The following PTPRD variants were observed in gnomAD, a reference collection of about 807,000 sequenced individuals.
PTPRD encodes the protein receptor-type tyrosine-protein phosphatase delta.
In PTPRD, 34 loss-of-function variants were observed where a neutral mutation model predicts 214.5. The ratio of observed to expected loss-of-function variants is 0.16; its 90% CI spans 0.12 to 0.21. The LOEUF (loss-of-function observed/expected upper bound fraction) is 0.21, where lower values mean the gene tolerates loss of function less well. Among genes scored for constraint, PTPRD ranks in the 10% least tolerant of loss-of-function variants. PTPRD has a pLI of 1.00. For synonymous variants in PTPRD, 1,128 were observed against 845.7 expected, an observed-to-expected ratio of 1.33 and a Z score of -5.79; for missense variants, 2,545 against 2,398.7, an observed-to-expected ratio of 1.06 and a Z score of -1.27.
At chr9:8,819,027 T>G (rs982937748) in intron 11 of PTPRD, among the ~76,000 whole-genome samples, 3 of 152,164 alleles carry the variant, frequency 2.0e-5, no homozygotes, top group Non-Finnish European at 4.4e-5. Context: ...TATTGCCATG[T>G]CAGAAAAAGG....
chr9:9,891,895 A>C (rs1337900487), intron 5 of PTPRD, among the ~76,000 whole-genome samples: 1 of 152,136 alleles, frequency 6.6e-6, no homozygotes, highest in African/African-American at 2.4e-5. Flanking sequence ...GGATTTAATG[A>C]GCTATAAATT....
chr9:10,076,879 C>A (rs1312792465), intron 3 of PTPRD, among the ~76,000 whole-genome samples: 1 of 152,128 alleles, frequency 6.6e-6, no homozygotes, highest in Non-Finnish European at 1.5e-5. Context: ...AATTTGAAAC[C>A]AAGACCATTG....
chr9:9,524,575 G>C (rs1210370946), intron 8 of PTPRD, among the ~76,000 whole-genome samples: 2 of 152,096 alleles, frequency 1.3e-5, no homozygotes, highest in Non-Finnish European at 2.9e-5. Flanking sequence ...CCTTTTGCCA[G>C]ATTTTCTTTA....
At chr9:9,664,820 T>A in intron 7 of PTPRD, among the ~76,000 whole-genome samples, 1 of 151,638 alleles carries the variant, frequency 6.6e-6, no homozygotes, top group Admixed American at 6.6e-5. Flanking sequence ...AGAAAGCCTC[T>A]ATCCCAGAAA....
chr9:9,490,912 G>T (rs571103535), intron 8 of PTPRD, among the ~76,000 whole-genome samples: 1 of 151,596 alleles, frequency 6.6e-6, no homozygotes, highest in Non-Finnish European at 1.5e-5. Flanking sequence ...ATTGTTTGTT[G>T]AACTAATTAA....
chr9:8,857,719 G>A, intron 11 of PTPRD: 1 of 157,234 alleles, frequency 6.4e-6, no homozygotes, highest in Non-Finnish European at 1.4e-5. Flanking sequence ...TTCGCGCCCC[G>A]CCACGGCCGC....
chr9:10,502,042 A>C (rs578182282), intron 2 of PTPRD, among the ~76,000 whole-genome samples: 25 of 152,030 alleles, frequency 1.6e-4, no homozygotes, highest in African/African-American at 5.1e-4. Flanking sequence ...TAAGAAGAAA[A>C]TCGAGCTTAA....
At chr9:8,348,084 A>G (rs908222522) in intron 39 of PTPRD, among the ~76,000 whole-genome samples, 8 of 152,202 alleles carry the variant, frequency 5.3e-5, no homozygotes, top group South Asian at 2.1e-4. Flanking sequence ...GCACATTTGA[A>G]TAACTAACAG....
intron 35 of PTPRD, among the ~76,000 whole-genome samples, chr9:8,430,037 A>G (rs2132103193): frequency 6.6e-6 from 1 of 152,276 alleles, no homozygotes; most frequent in Middle Eastern, 3.4e-3. Flanking sequence ...AGCTGACAGG[A>G]ACTCAGAAAA....
At chr9:9,272,799 C>T (rs1943467151) in intron 9 of PTPRD, among the ~76,000 whole-genome samples, 1 of 151,386 alleles carries the variant, frequency 6.6e-6, no homozygotes, top group East Asian at 2.0e-4. Flanking sequence ...AAAGCAAGCA[C>T]TATGGCCATG....
intron 8 of PTPRD, among the ~76,000 whole-genome samples, chr9:9,487,185 T>G (rs1038801243): frequency 5.9e-5 from 9 of 152,104 alleles, no homozygotes; most frequent in Non-Finnish European, 1.2e-4. Context: ...GCATTAGGTA[T>G]ATCTCCTAAT....
At chr9:8,745,916 AC>A (rs1323845609) in intron 11 of PTPRD, among the ~76,000 whole-genome samples, 3 of 151,514 alleles carry the variant, frequency 2.0e-5, no homozygotes, top group African/African-American at 4.9e-5. Context: ...TCCCGCCTCT[AC>A]CCCCAGAGTA....
chr9:8,318,164 C>A (rs1823356884), intron 45 of PTPRD, among the ~76,000 whole-genome samples: 1 of 151,914 alleles, frequency 6.6e-6, no homozygotes, highest in African/African-American at 2.4e-5. Context: ...CTAAAACGAT[C>A]TCCCAATTCC....
At chr9:9,317,804 A>T (rs536917261) in intron 9 of PTPRD, among the ~76,000 whole-genome samples, 2 of 152,240 alleles carry the variant, frequency 1.3e-5, no homozygotes, top group South Asian at 4.1e-4. Context: ...GATATTAATA[A>T]TTTTTTTCAT....
At chr9:8,473,535 C>G (rs1284389820) in intron 30 of PTPRD, among the ~76,000 whole-genome samples, 1 of 152,180 alleles carries the variant, frequency 6.6e-6, no homozygotes, top group African/African-American at 2.4e-5. Flanking sequence ...TTCTCAAAGT[C>G]AGAAGAGCGC....
intron 11 of PTPRD, among the ~76,000 whole-genome samples, chr9:8,915,686 C>T (rs1396994401): frequency 2.0e-5 from 3 of 151,932 alleles, no homozygotes; most frequent in African/African-American, 4.8e-5. Flanking sequence ...AACTCAAGTC[C>T]GAAGGCAGAA....
intron 10 of PTPRD, among the ~76,000 whole-genome samples, chr9:9,093,941 A>G (rs573179122): frequency 2.2e-4 from 33 of 149,588 alleles, no homozygotes; most frequent in Admixed American, 6.6e-5. Context: ...AAGTAGAAAG[A>G]AAAAAAAAGG....
intron 12 of PTPRD, among the ~76,000 whole-genome samples, chr9:8,639,782 G>C (rs549938755): frequency 1.3e-5 from 2 of 152,134 alleles, no homozygotes; most frequent in Non-Finnish European, 2.9e-5. Context: ...GGTGGGTGAG[G>C]ACAAGTCAAA....
At chr9:9,228,618 T>C (rs939730415) in intron 9 of PTPRD, among the ~76,000 whole-genome samples, 1 of 152,130 alleles carries the variant, frequency 6.6e-6, no homozygotes. Flanking sequence ...TTGCTAGTTC[T>C]ATGAACTTGA....
Sources: gnomAD v4.1 joint callset for allele counts (sites outside exome capture counted in the v4.1 genomes callset) on GRCh38, gnomAD v4.1.1 for gene constraint, MANE v1.5 for transcripts, NCBI Gene and HGNC (gene_info 2026-07-23, HGNC 2026-07-21) for gene names.